Variants in SMOX observed in about 807,000 individuals in gnomAD.
SMOX encodes spermine oxidase.
A neutral mutation model predicts 51.0 loss-of-function variants in SMOX; 22 were observed. The ratio of observed to expected loss-of-function variants is 0.43; its 90% CI spans 0.31 to 0.62. The LOEUF (loss-of-function observed/expected upper bound fraction) is 0.62. Among genes scored for constraint, SMOX ranks in the 20% least tolerant of loss-of-function variants. The pLI is 0.10. For synonymous variants in SMOX, 282 were observed against 307.8 expected, an observed-to-expected ratio of 0.92 and a Z score of 0.88; for missense variants, 566 against 777.7, an observed-to-expected ratio of 0.73 and a Z score of 3.24.
At chr20:4,157,598 G>A (rs1006523552) in intron 1 of SMOX, among the ~76,000 whole-genome samples, 2 of 152,148 alleles carry the variant, frequency 1.3e-5, no homozygotes, top group Admixed American at 6.5e-5. Context: ...GACTACCTTC[G>A]TTCACTGGGC....
rs1979469241 is a variant in SMOX at position 4,182,994 on chromosome 20, A to G, written c.1369+146A>G. On this transcript the variant is annotated intron_variant, in intron 5 of 6. Transcript: ENST00000305958. This position sits in a 1 kb window ranked among gnomAD's most constrained non-coding sequence, Gnocchi z 8.4. ...CGGGAGAGCCACTGCAGGGTGCCAC[A>G]TTCAGCCAAAGGCTCTTCAGTTGCT... 2.5e-6 allele frequency: 3 copies of G among 1,186,664 alleles called. No homozygotes were observed. The highest frequency in any genetic ancestry group is 3.1e-5 in the African/African-American group (2 of 65,240). The allele number at this position is 1,186,664 out of a possible 1,614,324, so 73.5% of individuals were successfully genotyped here.
At chr20:4,184,996 A>C (rs1483211114) in intron 6 of SMOX, among the ~76,000 whole-genome samples, 2 of 152,208 alleles carry the variant, frequency 1.3e-5, no homozygotes, top group Non-Finnish European at 2.9e-5. Flanking sequence ...GCTAGAAGGA[A>C]GAGGAAAGGC....
At position 4,183,636 on chromosome 20, in the gene SMOX, A is replaced by G. The variant is rs1741327; in HGVS notation, c.1512A>G (p.Thr504=). The change falls in exon 6 of 7, where the codon ACA becomes ACG. Residue 504 remains threonine, a synonymous_variant. Coordinates refer to ENST00000305958, the MANE Select transcript of SMOX (RefSeq NM_175839.3). The surrounding 1 kb of genome is among the most constrained non-coding windows in gnomAD (Gnocchi z 4.3). ...VEKLAKPLPY[T]ESSKTAPMQV... ...AGCTGGCCAAGCCCCTGCCGTACAC[A>G]GAGAGCTCAAAGACAGCGGTAAGCG... 0.69 allele frequency: 1,096,682 copies of G among 1,586,218 alleles called. 381,116 individuals are homozygous for G. The highest frequency in any genetic ancestry group is 0.79 in the African/African-American group (58,278 of 74,206).
chr20:4,150,643 T>G (rs1268883895), intron 1 of SMOX, among the ~76,000 whole-genome samples: 1 of 152,186 alleles, frequency 6.6e-6, no homozygotes, highest in African/African-American at 2.4e-5. Flanking sequence ...AGATCTTAAA[T>G]GTACATCATT....
In SMOX at chr20:4,172,214, C is replaced by A. The variant is rs1978442781; in HGVS notation, c.-26-2816C>A. 6.6e-6 allele frequency among the ~76,000 whole-genome samples: 1 copy of A among 152,242 alleles called. No homozygotes were observed. The highest frequency in any genetic ancestry group is 1.5e-5 in the Non-Finnish European group (1 of 68,030). Reference sequence around the variant, plus strand: ...AGACTGTGTGTGGGGTGGCCTGGGGCAGACCCGCCGGGCGGGTTGCGGCGC... The same window carrying A: ...AGACTGTGTGTGGGGTGGCCTGGGGAAGACCCGCCGGGCGGGTTGCGGCGC... On this transcript the variant is annotated intron_variant, in intron 1 of 6. Coordinates refer to ENST00000305958, the MANE Select transcript of SMOX (RefSeq NM_175839.3). This position sits in a 1 kb window ranked among gnomAD's most constrained non-coding sequence, Gnocchi z 7.7.
chr20:4,182,424 G>A lies in SMOX; in HGVS notation c.945G>A (p.Val315=), dbSNP rs1278317871. 2.5e-6 allele frequency: 4 copies of A among 1,602,600 alleles called. No individual in the cohort carries two copies. The Admixed American group carries it at 6.7e-5, about 27-fold the overall frequency. ...AGGATGAGCAGTGGTCGGTGGTGGTGGAGTGCGAGGACTGTGAGCTGATCC... is the reference window on the plus strand; with the variant it reads ...AGGATGAGCAGTGGTCGGTGGTGGTAGAGTGCGAGGACTGTGAGCTGATCC... The part of the protein sequence containing the change: ...WDEDEQWSVV[V]ECEDCELIPA... The change falls in exon 5 of 7, where the codon GTG becomes GTA. Residue 315 remains valine, a synonymous_variant. Coordinates refer to ENST00000305958, the MANE Select transcript of SMOX (RefSeq NM_175839.3). The surrounding 1 kb of genome is among the most constrained non-coding windows in gnomAD (Gnocchi z 8.4).
intron 3 of SMOX, among the ~76,000 whole-genome samples, chr20:4,178,034 A>AT (rs1979014377): frequency 6.6e-6 from 1 of 152,016 alleles, no homozygotes; most frequent in South Asian, 2.1e-4. Flanking sequence ...TGAATATTTA[A>AT]TTTTTTGTTG....
Position 4,184,112 on chromosome 20 carries a change from T to C in SMOX, c.1530+458T>C, listed in dbSNP as rs576817262. On this transcript the variant is annotated intron_variant, in intron 6 of 6. Coordinates refer to ENST00000305958, the MANE Select transcript of SMOX (RefSeq NM_175839.3). ...CTCCCACCTCAGCCTCCCAACTAGC[T>C]GGGACCACAGGCATGCCGGCACGCC... is the stretch of plus-strand genomic sequence containing the variant. 2.6e-5 allele frequency among the ~76,000 whole-genome samples: 4 copies of C among 151,664 alleles called. No homozygotes were observed. The South Asian group carries it at 8.3e-4, about 32-fold the overall frequency.
intron 1 of SMOX, among the ~76,000 whole-genome samples, 167 bp from the exon 2 acceptor site, chr20:4,174,863 T>G (rs899121626): frequency 2.6e-5 from 3 of 116,108 alleles, no homozygotes; most frequent in African/African-American, 8.3e-5. Context: ...TCCCTGCCCC[T>G]TTGGAGGTGG....
At chr20:4,155,241 C>T (rs940806797) in intron 1 of SMOX, among the ~76,000 whole-genome samples, 2 of 152,152 alleles carry the variant, frequency 1.3e-5, no homozygotes, top group Admixed American at 6.5e-5. Context: ...TCATAGAAGA[C>T]GGTAGTCTCC....
rs944440146 is a variant in SMOX, at chr20:4,149,004, G to T, written c.-27+27G>T. 1.3e-5 allele frequency: 2 copies of T among 151,558 alleles called. No individual in the cohort carries two copies. Among genetic ancestry groups the T allele is most frequent in the South Asian group, 4.1e-4 (2 of 4,830 alleles). 9.4% of individuals were successfully genotyped at this position (151,558 alleles called of 1,614,324 possible). ...TACGGTGCGCCCGCTCTCCGGCCCC[G>T]GGCCCCGGCTCTCAGCCTCCCCCGG... On this transcript the variant is annotated intron_variant, in intron 1 of 6. Coordinates refer to ENST00000305958, the MANE Select transcript of SMOX (RefSeq NM_175839.3). The surrounding 1 kb of genome is among the most constrained non-coding windows in gnomAD (Gnocchi z 6.0).
Position 4,182,514 on chromosome 20 carries a change from C to T in SMOX, c.1035C>T (p.Phe345=). The T allele has an allele frequency of 1.2e-6, 2 of 1,609,754 alleles. No homozygotes were observed. The highest frequency in any genetic ancestry group is 1.7e-5 in the Admixed American group (1 of 59,674). Residue 345 remains phenylalanine (F), a synonymous_variant, in exon 5 of 7, where the codon TTC becomes TTT. Transcript: ENST00000305958. This position sits in a 1 kb window ranked among gnomAD's most constrained non-coding sequence, Gnocchi z 8.4. ...TAAAGAGGCAGTACACCAGTTTCTTCCGGCCAGGCCTGCCCACAGAGAAGG... is the reference window on the plus strand; with the variant it reads ...TAAAGAGGCAGTACACCAGTTTCTTTCGGCCAGGCCTGCCCACAGAGAAGG... The part of the protein sequence containing the change: ...GVLKRQYTSF[F]RPGLPTEKVA...
chr20:4,166,861 G>A lies in SMOX; in HGVS notation c.-26-8169G>A, dbSNP rs767805843. Among the ~76,000 whole-genome samples, 7 of 152,310 alleles carry A rather than the reference G, an allele frequency of 4.6e-5. No individual in the cohort carries two copies. Among genetic ancestry groups the A allele is most frequent in the East Asian group, 1.9e-4 (1 of 5,188 alleles). On this transcript the variant is annotated intron_variant, in intron 1 of 6. Coordinates refer to ENST00000305958, the MANE Select transcript of SMOX (RefSeq NM_175839.3). The surrounding 1 kb of genome is among the most constrained non-coding windows in gnomAD (Gnocchi z 4.2). The stretch of plus-strand genomic sequence containing the variant: ...GCTCCCTTCTTCTCATCTGAAATTC[G>A]CTTACAAAGCCTTTTTAAAGTTGTG...
intron 3 of SMOX, among the ~76,000 whole-genome samples, chr20:4,180,507 C>T (rs1979241505): frequency 6.6e-6 from 1 of 152,218 alleles, no homozygotes; most frequent in Non-Finnish European, 1.5e-5. Context: ...TAGCTGGTGT[C>T]CTGGGAATGA....
rs1568746924 is a variant in SMOX at position 4,182,360 on chromosome 20, G to A, written c.881G>A (p.Gly294Asp). Residue 294 changes from glycine to aspartate, a missense_variant, in exon 5 of 7, where the codon GGC becomes GAC. Physicochemically the swap from Gly to Asp is moderately conservative, Grantham distance 94. Around this residue, in one of 3 missense-constraint regions of SMOX, gnomAD observed 347 missense variants for 481.8 expected, o/e 0.72. Transcript: ENST00000305958. The surrounding 1 kb of genome is among the most constrained non-coding windows in gnomAD (Gnocchi z 8.4). ...GDHNHDTGEGGQGGEEPRGGR... is the reference protein window; with the variant it reads ...GDHNHDTGEGDQGGEEPRGGR... ...CACAATCACGACACTGGGGAGGGTG[G>A]CCAGGGTGGAGAGGAGCCCCGGGGG... The A allele has an allele frequency of 6.3e-6, 10 of 1,593,830 alleles. No homozygotes were observed. The highest frequency in any genetic ancestry group is 2.2e-5 in the East Asian group (1 of 44,612).
rs1265718395 is a variant in SMOX, at chr20:4,177,011, C to T, written c.209-340C>T. Among the ~76,000 whole-genome samples, 1 of 152,162 alleles carries T rather than the reference C, an allele frequency of 6.6e-6. No individual in the cohort carries two copies. On this transcript the variant is annotated intron_variant, in intron 2 of 6. Transcript: ENST00000305958. The surrounding 1 kb of genome is among the most constrained non-coding windows in gnomAD (Gnocchi z 4.3). ...ACCCTCAGGTACCCACAGTGCTTCT[C>T]CCCGGTGAGGAGGCACCAGTGAGGA...
chr20:4,178,550 C>T lies in SMOX; in HGVS notation c.435+973C>T, dbSNP rs151100864. Among the ~76,000 whole-genome samples, 24 of 152,082 alleles carry T rather than the reference C, an allele frequency of 1.6e-4. No homozygotes were observed. In the East Asian group the frequency reaches 3.5e-3, roughly 22 times the overall value. ...TATTCTTTAGCTGTGTGAACTGCACCGAACAAGCAAAGTAATGTGTAGGCC... is the reference window on the plus strand; with the variant it reads ...TATTCTTTAGCTGTGTGAACTGCACTGAACAAGCAAAGTAATGTGTAGGCC... On this transcript the variant is annotated intron_variant, in intron 3 of 6. Coordinates refer to ENST00000305958, the MANE Select transcript of SMOX (RefSeq NM_175839.3).
Position 4,183,403 on chromosome 20 carries a change from G to C in SMOX, c.1370-91G>C. On this transcript the variant is annotated intron_variant, in intron 5 of 6. Coordinates refer to ENST00000305958, the MANE Select transcript of SMOX (RefSeq NM_175839.3). This position sits in a 1 kb window ranked among gnomAD's most constrained non-coding sequence, Gnocchi z 4.3. Reference sequence around the variant, plus strand: ...AGTCTGGTCCTCCCGGAGCCCTGGAGGTGGGGTGGGGGGTTGTCCCTTTGG... The same window carrying C: ...AGTCTGGTCCTCCCGGAGCCCTGGACGTGGGGTGGGGGGTTGTCCCTTTGG... The C allele has an allele frequency of 6.3e-7, 1 of 1,592,454 alleles. No individual in the cohort carries two copies. Among genetic ancestry groups the C allele is most frequent in the Non-Finnish European group, 8.6e-7 (1 of 1,163,002 alleles).
chr20:4,175,414 T>C, intron 2 of SMOX, 151 bp downstream of exon 2: 1 of 934,430 alleles, frequency 1.1e-6, no homozygotes, highest in Non-Finnish European at 1.6e-6. Context: ...CTTCCTTCGC[T>C]CCTCGTGGCA....
Sources: gnomAD v4.1 joint callset for allele counts (sites outside exome capture counted in the v4.1 genomes callset) on GRCh38, gnomAD v4.1.1 for gene constraint, gnomAD v4.1.1 regional missense constraint, Gnocchi (gnomAD v3.1) non-coding constraint, MANE v1.5 for transcripts, NCBI Gene and HGNC (gene_info 2026-07-23, HGNC 2026-07-21) for gene names.